The following TMEM209 variants were observed in gnomAD, a reference collection of about 807,000 sequenced individuals.
The protein encoded by TMEM209 is testicular tissue protein Li 202.
In TMEM209, 65 loss-of-function variants were observed where a neutral mutation model predicts 76.2. The ratio of observed to expected loss-of-function variants is 0.85; its 90% CI spans 0.70 to 1.05. The LOEUF (loss-of-function observed/expected upper bound fraction) is 1.05, where lower values mean the gene tolerates loss of function less well. TMEM209 is among the 50% of genes least tolerant of loss of function. The probability of loss-of-function intolerance (pLI) is 0.00; values close to 1 mark genes in which losing one functional copy is unlikely to be tolerated. For missense variants in TMEM209, 623 were observed against 685.5 expected (o/e 0.91, Z 1.02); for synonymous variants, 239 against 237.6 (o/e 1.01, Z -0.06).
chr7:130,190,288 C>A (rs1216682544), intron 6 of TMEM209, among the ~76,000 whole-genome samples: 1 of 152,022 alleles, frequency 6.6e-6, no homozygotes, highest in Non-Finnish European at 1.5e-5. Flanking sequence ...GAGGCCGAGG[C>A]GGGCAGATCA....
At chr7:130,204,707 G>C (rs1409533501) in intron 1 of TMEM209, among the ~76,000 whole-genome samples, 1 of 152,170 alleles carries the variant, frequency 6.6e-6, no homozygotes, top group East Asian at 1.9e-4. Context: ...GTAATTTAAG[G>C]GTTATGTCTA....
chr7:130,175,696 C>A (rs994914769), intron 10 of TMEM209, 87 bp from the exon 11 acceptor site: 14 of 1,025,482 alleles, frequency 1.4e-5, no homozygotes, highest in East Asian at 2.7e-5. Context: ...ATAAGGGAAG[C>A]AAATCATTTA....
At position 130,189,590 on chromosome 7, in the gene TMEM209, A is replaced by C. The variant is rs1797724804; in HGVS notation, c.775+3032T>G. On this transcript the variant is annotated intron_variant, in intron 6 of 14. Transcript: ENST00000397622. ...GGAATGATGCCCGCAACTTCCTTTC[A>C]AATGATTCAGCAAAAAAGTGTGCAT... Among the ~76,000 whole-genome samples, 4 of 152,324 alleles carry C rather than the reference A, an allele frequency of 2.6e-5. No homozygotes were observed. In the South Asian group the frequency reaches 8.3e-4, roughly 32 times the overall value.
intron 7 of TMEM209, among the ~76,000 whole-genome samples, 161 bp from the exon 8 acceptor site, chr7:130,184,416 C>G (rs1031184292): frequency 6.6e-6 from 1 of 151,910 alleles, no homozygotes; most frequent in Non-Finnish European, 1.5e-5. Context: ...TCTTATTACT[C>G]ACTTATAAAT....
chr7:130,195,956 C>T (rs1022417071), intron 5 of TMEM209, among the ~76,000 whole-genome samples: 3 of 152,010 alleles, frequency 2.0e-5, no homozygotes, highest in Admixed American at 6.5e-5. Context: ...TTACTATATT[C>T]GCCTTATGAG....
chr7:130,198,985 C>A (rs1344670310), intron 5 of TMEM209, among the ~76,000 whole-genome samples: 1 of 152,080 alleles, frequency 6.6e-6, no homozygotes, highest in Non-Finnish European at 1.5e-5. Flanking sequence ...CTAAAGTCTT[C>A]CAATACAATT....
At chr7:130,192,222 C>T (rs888839667) in intron 6 of TMEM209, 2 of 176,016 alleles carry the variant, frequency 1.1e-5, no homozygotes, top group East Asian at 3.0e-4. Context: ...AACAGCAGCG[C>T]TTCTCGAGTA....
At chr7:130,176,415 C>G (rs985504968) in intron 10 of TMEM209, among the ~76,000 whole-genome samples, 2 of 152,064 alleles carry the variant, frequency 1.3e-5, no homozygotes, top group African/African-American at 4.8e-5. Flanking sequence ...GCCACCGTGC[C>G]CAGCCCACTG....
intron 8 of TMEM209, 80 bp from the exon 9 acceptor site, chr7:130,181,799 C>A: frequency 8.5e-7 from 1 of 1,174,256 alleles, no homozygotes; most frequent in South Asian, 1.4e-5. Flanking sequence ...TTACAAGCAA[C>A]TCTAAGAATT....
chr7:130,169,392 A>C (rs759688872), intron 14 of TMEM209, among the ~76,000 whole-genome samples: 3 of 152,206 alleles, frequency 2.0e-5, no homozygotes, highest in Non-Finnish European at 4.4e-5. Context: ...ATACCTAATA[A>C]ACAGGTGAAA....
intron 5 of TMEM209, among the ~76,000 whole-genome samples, chr7:130,200,467 G>A (rs1208411608): frequency 6.6e-6 from 1 of 152,050 alleles, no homozygotes; most frequent in East Asian, 1.9e-4. Context: ...ATAATTTTAT[G>A]TACAGGGCTA....
At position 130,178,451 on chromosome 7, in the gene TMEM209, C is replaced by A; in HGVS notation, c.1197G>T (p.Gln399His). The change falls in exon 10 of 15, where the codon CAG becomes CAT. Residue 399 changes from glutamine (Q) to histidine (H), a missense_variant. Gln to His is a conservative substitution (Grantham distance 24, BLOSUM62 0). Transcript: ENST00000397622. Reference protein sequence around the residue: ...PLIPTLNTIVQYLDLTPNQEY... With the variant: ...PLIPTLNTIVHYLDLTPNQEY... ...CCTGATTTGGAGTAAGGTCTAGATACTGAACGATTGTGTTCAAAGTCGGAA... is the reference window on the plus strand; with the variant it reads ...CCTGATTTGGAGTAAGGTCTAGATAATGAACGATTGTGTTCAAAGTCGGAA... 6.2e-7 allele frequency: 1 copy of A among 1,613,694 alleles called. No homozygotes were observed. The highest frequency in any genetic ancestry group is 1.7e-5 in the Admixed American group (1 of 60,002).
intron 5 of TMEM209, among the ~76,000 whole-genome samples, chr7:130,195,148 T>A (rs1290575036): frequency 6.6e-6 from 1 of 152,144 alleles, no homozygotes; most frequent in South Asian, 2.1e-4. Context: ...AATCAATGAG[T>A]AACTTGCATA....
chr7:130,176,063 G>A (rs1258723317), intron 10 of TMEM209, among the ~76,000 whole-genome samples: 1 of 151,414 alleles, frequency 6.6e-6, no homozygotes, highest in East Asian at 1.9e-4. Context: ...AATCAAATAT[G>A]TCAAAAGGTT....
chr7:130,185,396 T>C, intron 6 of TMEM209, 29 bp from the exon 7 acceptor site: 5 of 1,599,646 alleles, frequency 3.1e-6, no homozygotes, highest in East Asian at 2.2e-5. Flanking sequence ...ACAGTATCAG[T>C]GTGTTGTAGC....
intron 6 of TMEM209, among the ~76,000 whole-genome samples, chr7:130,191,311 T>C (rs1044955767): frequency 1.3e-5 from 2 of 151,530 alleles, no homozygotes; most frequent in Admixed American, 6.6e-5. Context: ...TATGTATACT[T>C]AGCAAATCTG....
At chr7:130,198,322 A>G (rs1254925426) in intron 5 of TMEM209, among the ~76,000 whole-genome samples, 1 of 152,162 alleles carries the variant, frequency 6.6e-6, no homozygotes, top group Non-Finnish European at 1.5e-5. Flanking sequence ...TTTTTAAAAC[A>G]AAAATGGGTA....
chr7:130,179,368 T>G (rs1797339335), intron 9 of TMEM209, among the ~76,000 whole-genome samples: 1 of 152,138 alleles, frequency 6.6e-6, no homozygotes. Flanking sequence ...AAATCGATTT[T>G]GGCAAATCTA....
At chr7:130,175,285 G>A (rs554024763) in intron 11 of TMEM209, 119 of 411,508 alleles carry the variant, frequency 2.9e-4, no homozygotes, top group African/African-American at 1.8e-3. Flanking sequence ...AAAAAAGTGA[G>A]ACCCCATCTC....
Sources: allele counts gnomAD v4.1 joint callset (sites outside exome capture counted in the v4.1 genomes callset), GRCh38; gene constraint gnomAD v4.1.1; transcripts MANE v1.5; gene names NCBI Gene and HGNC (gene_info 2026-07-23, HGNC 2026-07-21).